GALNT14: variants seen among roughly 807,000 people sequenced by gnomAD.
GALNT14 encodes polypeptide N-acetylgalactosaminyltransferase 14.
A neutral mutation model predicts 77.5 loss-of-function variants in GALNT14; 60 were observed. The ratio of observed to expected loss-of-function variants is 0.77; its 90% CI spans 0.63 to 0.96. The LOEUF is 0.96. Ranked by LOEUF, GALNT14 falls within the 40% of genes least tolerant of loss-of-function variation. The pLI is 0.00. For synonymous variants in GALNT14, 280 were observed against 281.7 expected (o/e 0.99, Z 0.06); for missense variants, 710 against 731.0 (o/e 0.97, Z 0.33).
At chr2:31,100,899 A>C (rs926196041) in intron 1 of GALNT14, among the ~76,000 whole-genome samples, 3 of 152,080 alleles carry the variant, frequency 2.0e-5, no homozygotes, top group Middle Eastern at 3.2e-3. Flanking sequence ...AGGCAAAATC[A>C]TCTAACACAA....
At chr2:30,943,073 C>T (rs1666476333) in intron 8 of GALNT14, among the ~76,000 whole-genome samples, 1 of 152,156 alleles carries the variant, frequency 6.6e-6, no homozygotes, top group Admixed American at 6.5e-5. Flanking sequence ...TAGAACAGCC[C>T]TCAGAAGGAA....
downstream of GALNT14, among the ~76,000 whole-genome samples, chr2:30,906,625 C>A (rs1444759898): frequency 6.6e-6 from 1 of 150,846 alleles, no homozygotes; most frequent in Non-Finnish European, 1.5e-5. Context: ...CTTTAACACC[C>A]CACTGTCAAC....
intron 1 of GALNT14, among the ~76,000 whole-genome samples, chr2:31,041,932 T>C (rs1673117839): frequency 6.6e-6 from 1 of 152,116 alleles, no homozygotes; most frequent in Non-Finnish European, 1.5e-5. Context: ...AGAAACTTGA[T>C]GTTTCAGGCC....
At chr2:31,017,650 C>T (rs1382339884) in intron 1 of GALNT14, among the ~76,000 whole-genome samples, 2 of 152,102 alleles carry the variant, frequency 1.3e-5, no homozygotes, top group South Asian at 2.1e-4. Context: ...TCCTCTTTAG[C>T]CTCTGCCCAA....
chr2:31,020,725 C>T (rs1671663333), intron 1 of GALNT14, among the ~76,000 whole-genome samples: 1 of 152,162 alleles, frequency 6.6e-6, no homozygotes, highest in Non-Finnish European at 1.5e-5. Context: ...CCTCTTGGCT[C>T]CCACATATCA....
At chr2:31,043,271 C>T (rs980023277) in intron 1 of GALNT14, among the ~76,000 whole-genome samples, 14 of 152,192 alleles carry the variant, frequency 9.2e-5, no homozygotes, top group Non-Finnish European at 1.8e-4. Flanking sequence ...CCTCAGTATT[C>T]CCCCAGTCCA....
At chr2:30,944,971 T>C in intron 7 of GALNT14, 29 bp from the exon 8 acceptor site, 1 of 1,571,514 alleles carries the variant, frequency 6.4e-7, no homozygotes, top group Non-Finnish European at 8.7e-7. Flanking sequence ...CCACCTGCTT[T>C]GGTCTCTCAA....
rs745909963 is a variant in GALNT14 at position 30,992,832 on chromosome 2, A to G, written c.299+6T>C. 1.4e-5 allele frequency: 22 copies of G among 1,612,136 alleles called. No individual in the cohort carries two copies. Among genetic ancestry groups the G allele is most frequent in the Non-Finnish European group, 1.8e-5 (21 of 1,178,462 alleles). On this transcript the variant is annotated splice_donor_region_variant and intron_variant, in intron 2 of 14. Transcript: ENST00000349752. The stretch of plus-strand genomic sequence containing the variant: ...GGGGTAACAGAGTGGGAGAAGGAGG[A>G]AGTACCTCAGATGGCGAGTGTCCGG...
intron 1 of GALNT14, among the ~76,000 whole-genome samples, chr2:31,040,459 G>A (rs1482998448): frequency 1.3e-5 from 2 of 152,166 alleles, no homozygotes; most frequent in Non-Finnish European, 2.9e-5. Flanking sequence ...AGGCTGAGAA[G>A]GGCCTGGTTT....
At chr2:31,114,822 G>A (rs374094576) in intron 1 of GALNT14, 4 of 717,250 alleles carry the variant, frequency 5.6e-6, no homozygotes, top group Non-Finnish European at 2.6e-6. Context: ...ACAGCAAGGT[G>A]TCCTCCTAAG....
At position 30,992,889 on chromosome 2, in the gene GALNT14, T is replaced by G; in HGVS notation, c.248A>C (p.Glu83Ala). ...PYKLYAFNQR[E>A]SERISSNRAI... is the part of the protein sequence containing the mutation. ...CCGATTGCTGGAGATCCGCTCACTC[T>G]CCCGCTGGTTGAAAGCATACAGCTT... The change falls in exon 2 of 15, where the codon GAG becomes GCG. Residue 83 changes from glutamate to alanine, a missense_variant. By Grantham distance (107) the Glu-to-Ala change is moderately radical. Transcript: ENST00000349752. The G allele has an allele frequency of 6.2e-7, 1 of 1,614,090 alleles. No homozygotes were observed. Among genetic ancestry groups the G allele is most frequent in the Non-Finnish European group, 8.5e-7 (1 of 1,180,008 alleles).
intron 1 of GALNT14, among the ~76,000 whole-genome samples, chr2:31,092,673 A>T: frequency 6.6e-6 from 1 of 152,308 alleles, no homozygotes; most frequent in South Asian, 2.1e-4. Context: ...CATTTCAGTC[A>T]ATATAAAAAA....
chr2:31,018,690 A>G (rs1573172497), intron 1 of GALNT14, among the ~76,000 whole-genome samples: 1 of 152,162 alleles, frequency 6.6e-6, no homozygotes, highest in East Asian at 1.9e-4. Context: ...TTGACAAATG[A>G]CATCTGGAAA....
intron 9 of GALNT14, 60 bp downstream of exon 9, chr2:30,942,141 C>G: frequency 7.9e-7 from 1 of 1,260,662 alleles, no homozygotes. Context: ...CAGAGGTCCC[C>G]GCCCCAATCC....
intron 1 of GALNT14, among the ~76,000 whole-genome samples, chr2:31,064,787 G>A (rs1674831534): frequency 6.6e-6 from 1 of 151,950 alleles, no homozygotes. Flanking sequence ...AAATCCAATA[G>A]GGGAAGGTGA....
chr2:30,991,766 A>G (rs1669721027), intron 2 of GALNT14, among the ~76,000 whole-genome samples: 1 of 152,196 alleles, frequency 6.6e-6, no homozygotes, highest in South Asian at 2.1e-4. Context: ...TGTTTAGAAG[A>G]CAAGGTTTCC....
chr2:30,985,195 G>A (rs4464328), intron 2 of GALNT14, among the ~76,000 whole-genome samples: 9,150 of 152,220 alleles, frequency 0.06, 570 homozygotes, highest in African/African-American at 0.16. Flanking sequence ...CAAGGTCAAC[G>A]TTAGCAGGAA....
At chr2:31,053,873 T>C (rs1674050220) in intron 1 of GALNT14, among the ~76,000 whole-genome samples, 2 of 152,228 alleles carry the variant, frequency 1.3e-5, no homozygotes, top group South Asian at 4.1e-4. Context: ...TTAAGTCTGA[T>C]CAAGGCTGGT....
At chr2:31,038,433 C>T (rs1672899184) in intron 1 of GALNT14, among the ~76,000 whole-genome samples, 1 of 151,960 alleles carries the variant, frequency 6.6e-6, no homozygotes, top group Non-Finnish European at 1.5e-5. Flanking sequence ...AGAGATATGA[C>T]TGTATGAACT....
Sources: gnomAD v4.1 joint callset for allele counts (sites outside exome capture counted in the v4.1 genomes callset) on GRCh38, gnomAD v4.1.1 for gene constraint, MANE v1.5 for transcripts, NCBI Gene and HGNC (gene_info 2026-07-23, HGNC 2026-07-21) for gene names.